The following SH3GL2 variants were observed in gnomAD, a reference collection of about 807,000 sequenced individuals.
SH3GL2 encodes SH3 domain containing GRB2 like 2, endophilin A1, also known as endophilin-A1.
SH3GL2 carries 24 observed loss-of-function variants against 46.0 expected under a neutral mutation model. That is an observed-to-expected ratio of 0.52 (90% confidence interval 0.38 to 0.73). The LOEUF is 0.73. SH3GL2 is among the 30% of genes least tolerant of loss of function. The probability of loss-of-function intolerance (pLI) is 0.00; values close to 1 mark genes in which losing one functional copy is unlikely to be tolerated. For missense variants in SH3GL2, 413 were observed against 424.2 expected (o/e 0.97, Z 0.23); for synonymous variants, 196 against 147.1 (o/e 1.33, Z -2.40).
chr9:17,721,863 T>C (rs1821902123), intron 1 of SH3GL2, among the ~76,000 whole-genome samples: 1 of 152,080 alleles, frequency 6.6e-6, no homozygotes, highest in Non-Finnish European at 1.5e-5. Context: ...ATTGGTTCTG[T>C]TTCTCTGGAG....
chr9:17,793,334 A>C (rs749951355), intron 7 of SH3GL2, 33 bp from the exon 8 acceptor site: 1 of 1,593,038 alleles, frequency 6.3e-7, no homozygotes, highest in African/African-American at 1.4e-5. Flanking sequence ...AACTGGTTAC[A>C]TAACCTTTCC....
At chr9:17,773,052 T>C (rs192469878) in intron 3 of SH3GL2, among the ~76,000 whole-genome samples, 295 of 152,272 alleles carry the variant, frequency 1.9e-3, no homozygotes, top group African/African-American at 6.9e-3. Flanking sequence ...TGGTATCTCA[T>C]TGTAGTTTTG....
chr9:17,734,617 C>G (rs1475748332), intron 1 of SH3GL2, among the ~76,000 whole-genome samples: 1 of 151,974 alleles, frequency 6.6e-6, no homozygotes, highest in African/African-American at 2.4e-5. Context: ...TATTATTCAG[C>G]CATAAAAGGA....
intron 1 of SH3GL2, among the ~76,000 whole-genome samples, chr9:17,733,491 G>C (rs1275567281): frequency 2.0e-5 from 3 of 151,478 alleles, no homozygotes; most frequent in Non-Finnish European, 4.4e-5. Flanking sequence ...AGAGGATGTG[G>C]AGAAATAGGA....
At chr9:17,777,136 C>G (rs1464976294) in intron 3 of SH3GL2, among the ~76,000 whole-genome samples, 1 of 152,080 alleles carries the variant, frequency 6.6e-6, no homozygotes, top group Non-Finnish European at 1.5e-5. Flanking sequence ...TGCTTGTGTG[C>G]TTATGGAAAT....
chr9:17,598,658 G>A (rs960689260), intron 1 of SH3GL2, among the ~76,000 whole-genome samples: 2 of 152,142 alleles, frequency 1.3e-5, no homozygotes, highest in Non-Finnish European at 2.9e-5. Context: ...CTAGTAGGTT[G>A]GATCAGGTTC....
chr9:17,677,875 C>T (rs950850016), intron 1 of SH3GL2, among the ~76,000 whole-genome samples: 12 of 151,298 alleles, frequency 7.9e-5, no homozygotes, highest in Admixed American at 2.0e-4. Flanking sequence ...TGAGAAAATG[C>T]GGTGTTTGGT....
At chr9:17,607,617 C>G (rs1375227845) in intron 1 of SH3GL2, among the ~76,000 whole-genome samples, 1 of 152,122 alleles carries the variant, frequency 6.6e-6, no homozygotes, top group Non-Finnish European at 1.5e-5. Flanking sequence ...GTAGAAATAA[C>G]CTATTAAGAC....
rs181577005 is a variant in SH3GL2 at position 17,679,212 on chromosome 9, T to A, written c.46-67854T>A. On this transcript the variant is annotated intron_variant, in intron 1 of 8. Coordinates refer to ENST00000380607, the MANE Select transcript of SH3GL2 (RefSeq NM_003026.5). ...ATGGGGATGGCATTGAATCCATAAA[T>A]TACCTTGGGCAGTATGGCTATTTTC... 5.7e-3 allele frequency among the ~76,000 whole-genome samples: 872 copies of A among 152,322 alleles called. 7 individuals are homozygous for A. Among genetic ancestry groups the A allele is most frequent in the African/African-American group, 0.02 (825 of 41,570 alleles).
chr9:17,749,784 G>A (rs1275171618), intron 2 of SH3GL2, among the ~76,000 whole-genome samples: 2 of 152,128 alleles, frequency 1.3e-5, no homozygotes, highest in Non-Finnish European at 2.9e-5. Flanking sequence ...AAATAAAAGA[G>A]AATCCTCCAA....
intron 1 of SH3GL2, among the ~76,000 whole-genome samples, chr9:17,650,201 T>C (rs1480843111): frequency 6.6e-6 from 1 of 152,206 alleles, no homozygotes; most frequent in African/African-American, 2.4e-5. Flanking sequence ...TGATAAAAAG[T>C]AAGTGAAATG....
At chr9:17,664,609 G>A (rs1483477420) in intron 1 of SH3GL2, among the ~76,000 whole-genome samples, 1 of 151,838 alleles carries the variant, frequency 6.6e-6, no homozygotes, top group Non-Finnish European at 1.5e-5. Context: ...TGACAAAAAA[G>A]CAAGTGATAG....
intron 2 of SH3GL2, chr9:17,755,810 C>A: frequency 1.0e-6 from 1 of 982,842 alleles, no homozygotes; most frequent in Non-Finnish European, 1.2e-6. Flanking sequence ...TCAGGAAATA[C>A]CAACTTTTCT....
chr9:17,691,166 T>C (rs796585701), intron 1 of SH3GL2, among the ~76,000 whole-genome samples: 6 of 152,262 alleles, frequency 3.9e-5, no homozygotes, highest in African/African-American at 1.4e-4. Context: ...TTTGTGTTTC[T>C]CACTTGCCAA....
chr9:17,753,396 G>A (rs918116327), intron 2 of SH3GL2, among the ~76,000 whole-genome samples: 1 of 151,952 alleles, frequency 6.6e-6, no homozygotes, highest in African/African-American at 2.4e-5. Context: ...TTATCTCATT[G>A]TGGTTTTGAT....
At chr9:17,704,704 A>T (rs1002092232) in intron 1 of SH3GL2, among the ~76,000 whole-genome samples, 3 of 152,106 alleles carry the variant, frequency 2.0e-5, no homozygotes, top group Admixed American at 2.0e-4. Context: ...TATTCAGTAA[A>T]TGTTGCTGGG....
intron 1 of SH3GL2, among the ~76,000 whole-genome samples, chr9:17,690,398 C>T (rs1016417428): frequency 6.6e-6 from 1 of 152,132 alleles, no homozygotes; most frequent in African/African-American, 2.4e-5. Flanking sequence ...CGTGCTGCAG[C>T]TCCCTTGATT....
intron 1 of SH3GL2, among the ~76,000 whole-genome samples, chr9:17,696,652 T>C (rs1821210656): frequency 6.6e-6 from 1 of 152,118 alleles, no homozygotes; most frequent in African/African-American, 2.4e-5. Flanking sequence ...ACTCACTCAC[T>C]ATAATGAAAA....
At chr9:17,682,332 G>A (rs934213063) in intron 1 of SH3GL2, among the ~76,000 whole-genome samples, 1 of 152,126 alleles carries the variant, frequency 6.6e-6, no homozygotes, top group African/African-American at 2.4e-5. Context: ...GTGGTAGACT[G>A]GATAAAGCAA....
Sources: gnomAD v4.1 joint callset for allele counts (sites outside exome capture counted in the v4.1 genomes callset) on GRCh38, gnomAD v4.1.1 for gene constraint, MANE v1.5 for transcripts, NCBI Gene and HGNC (gene_info 2026-07-23, HGNC 2026-07-21) for gene names.